SLC27A6: variants seen among roughly 807,000 people sequenced by gnomAD.
The protein encoded by SLC27A6 is solute carrier family 27 member 6.
Under a neutral mutation model 63.9 loss-of-function variants are expected in SLC27A6, and 74 were observed. That is an observed-to-expected ratio of 1.16 (90% CI 0.96 to 1.40). The LOEUF (loss-of-function observed/expected upper bound fraction) is 1.40. Ranked by LOEUF, SLC27A6 falls within the 40% of genes most tolerant of loss-of-function variation. The pLI, the probability that SLC27A6 is intolerant of heterozygous loss-of-function variation, is 0.00. For synonymous variants in SLC27A6, 287 were observed against 260.8 expected, an observed-to-expected ratio of 1.10 and a Z score of -0.97; for missense variants, 794 against 732.9, an observed-to-expected ratio of 1.08 and a Z score of -0.96.
At chr5:129,026,814 T>C (rs897425709) in intron 6 of SLC27A6, among the ~76,000 whole-genome samples, 6 of 152,116 alleles carry the variant, frequency 3.9e-5, no homozygotes, top group Non-Finnish European at 5.9e-5. Flanking sequence ...TTATCTGTGG[T>C]AACATCTACA....
chr5:128,987,499 G>A (rs62399716), intron 2 of SLC27A6, among the ~76,000 whole-genome samples: 2,229 of 152,082 alleles, frequency 0.015, 17 homozygotes, highest in Non-Finnish European at 0.023. Flanking sequence ...CAATACAAAC[G>A]AAAGATAAAA....
At chr5:129,005,324 C>T (rs1751483154) in intron 4 of SLC27A6, among the ~76,000 whole-genome samples, 1 of 152,168 alleles carries the variant, frequency 6.6e-6, no homozygotes, top group Non-Finnish European at 1.5e-5. Flanking sequence ...AAAAGGAAAA[C>T]ACATGGGAAT....
chr5:129,025,184 C>G (rs1359070746), intron 6 of SLC27A6, among the ~76,000 whole-genome samples: 1 of 152,146 alleles, frequency 6.6e-6, no homozygotes, highest in Non-Finnish European at 1.5e-5. Flanking sequence ...TTATGAGCTA[C>G]TCAATATTTT....
At chr5:129,026,633 T>A (rs1453655207) in intron 6 of SLC27A6, among the ~76,000 whole-genome samples, 1 of 152,112 alleles carries the variant, frequency 6.6e-6, no homozygotes, top group African/African-American at 2.4e-5. Context: ...ATTTTACCCC[T>A]CTCGGTCCTA....
intron 1 of SLC27A6, among the ~76,000 whole-genome samples, chr5:128,979,831 T>C (rs925802843): frequency 6.6e-6 from 1 of 152,184 alleles, no homozygotes; most frequent in Non-Finnish European, 1.5e-5. Flanking sequence ...TGTGTGCATA[T>C]ATTCAGGGCA....
chr5:129,014,845 A>C (rs1751839545), intron 4 of SLC27A6, among the ~76,000 whole-genome samples: 1 of 152,184 alleles, frequency 6.6e-6, no homozygotes, highest in Non-Finnish European at 1.5e-5. Flanking sequence ...AGCCTTATCC[A>C]TTCTGCTCAA....
rs778044831 is a variant in SLC27A6 at position 129,027,348 on chromosome 5, G to A, written c.1454+17G>A. 5 of 1,560,228 alleles carry A rather than the reference G, an allele frequency of 3.2e-6. No homozygotes were observed. The South Asian group carries it at 5.6e-5, about 17-fold the overall frequency. On this transcript the variant is annotated intron_variant, in intron 7 of 9. Transcript: ENST00000262462. ...CACTTTCAGGTATGAAATGTTATGG[G>A]ATCCATAGCTTGTTCTGTAATTGTG...
At position 129,012,540 on chromosome 5, in the gene SLC27A6, A is replaced by G. The variant is rs116748574; in HGVS notation, c.970-3345A>G. Among the ~76,000 whole-genome samples the G allele has an allele frequency of 9.2e-3, 1,392 of 152,108 alleles. 16 individuals carry two copies. The highest frequency in any genetic ancestry group is 0.031 in the African/African-American group (1,286 of 41,528). On this transcript the variant is annotated intron_variant, in intron 4 of 9. Transcript: ENST00000262462. ...TTATGATTTTTTTCCCGCTTATTCT[A>G]TCAGTACCAGAGAGAGAAGTTAAAA...
At chr5:128,969,902 G>T (rs1205499050) in intron 1 of SLC27A6, among the ~76,000 whole-genome samples, 3 of 152,138 alleles carry the variant, frequency 2.0e-5, no homozygotes, top group Non-Finnish European at 2.9e-5. Context: ...CTATGGATTT[G>T]TCATAAATAG....
intron 9 of SLC27A6, among the ~76,000 whole-genome samples, chr5:129,030,727 T>C (rs943856907): frequency 1.3e-5 from 2 of 152,036 alleles, no homozygotes; most frequent in Non-Finnish European, 2.9e-5. Flanking sequence ...TGTATATCCT[T>C]CACCTTGTTT....
chr5:129,002,436 C>A (rs1751369272), intron 4 of SLC27A6, among the ~76,000 whole-genome samples: 2 of 152,012 alleles, frequency 1.3e-5, no homozygotes, highest in Non-Finnish European at 2.9e-5. Flanking sequence ...CCTCCCCACT[C>A]CCTCCATTGT....
intron 4 of SLC27A6, among the ~76,000 whole-genome samples, chr5:128,991,267 A>G (rs1019328633): frequency 6.6e-6 from 1 of 152,218 alleles, no homozygotes; most frequent in African/African-American, 2.4e-5. Flanking sequence ...GTTTAAAGGT[A>G]GGTGCAGTCA....
At chr5:129,032,424 T>C (rs1752443646) in intron 9 of SLC27A6, among the ~76,000 whole-genome samples, 2 of 152,038 alleles carry the variant, frequency 1.3e-5, no homozygotes, top group South Asian at 4.1e-4. Flanking sequence ...TGGCTGTACT[T>C]GCTTTTTATC....
intron 5 of SLC27A6, among the ~76,000 whole-genome samples, chr5:129,016,395 C>CAAAAAAA (rs759333355): frequency 0.015 from 962 of 64,414 alleles, 75 homozygotes; most frequent in East Asian, 0.12. Context: ...GACTCTGTCT[C>CAAAAAAA]AAAAAAAAAA....
At chr5:128,979,350 G>T (rs1264232154) in intron 1 of SLC27A6, among the ~76,000 whole-genome samples, 1 of 151,888 alleles carries the variant, frequency 6.6e-6, no homozygotes, top group Non-Finnish European at 1.5e-5. Flanking sequence ...CACAAGTTTG[G>T]AGTGAGGTCG....
At position 128,966,607 on chromosome 5, in the gene SLC27A6, T is replaced by C; in HGVS notation, c.470T>C (p.Val157Ala). Reference sequence around the variant, plus strand: ...CGCGCCTGTGGGCCCAGAGCCCTAGTGGTGGGCGCAGGTAGAGTATGGGGT... The same window carrying C: ...CGCGCCTGTGGGCCCAGAGCCCTAGCGGTGGGCGCAGGTAGAGTATGGGGT... ...CIRACGPRALVVGADLLGTVE... is the reference protein window; with the variant it reads ...CIRACGPRALAVGADLLGTVE... The change falls in exon 1 of 10, where the codon GTG (valine) becomes GCG (alanine). Residue 157 changes from valine (V) to alanine (A), a missense_variant. Physicochemically the swap from Val to Ala is moderately conservative, Grantham distance 64. Coordinates refer to ENST00000262462, the MANE Select transcript of SLC27A6 (RefSeq NM_001017372.3). 1 of 1,523,494 alleles carries C rather than the reference T, an allele frequency of 6.6e-7. No homozygotes were observed. The highest frequency in any genetic ancestry group is 8.7e-7 in the Non-Finnish European group (1 of 1,144,506). 94.4% of individuals were successfully genotyped at this position (1,523,494 alleles called of 1,614,324 possible). A position where few individuals can be genotyped will look rare whatever the true frequency, so the allele number is the denominator to read the frequency against.
intron 1 of SLC27A6, among the ~76,000 whole-genome samples, chr5:128,972,409 T>A (rs1750207399): frequency 6.6e-6 from 1 of 152,230 alleles, no homozygotes; most frequent in Admixed American, 6.5e-5. Flanking sequence ...CAATCAAACG[T>A]AGATTTGGTC....
chr5:128,985,011 A>C, intron 1 of SLC27A6, 122 bp from the exon 2 acceptor site: 1 of 682,098 alleles, frequency 1.5e-6, no homozygotes, highest in Admixed American at 2.9e-5. Context: ...CTTATCCAAC[A>C]TAAGAAGGAA....
In SLC27A6 at chr5:129,015,944, T is replaced by G; in HGVS notation, c.1029T>G (p.Asp343Glu). ...RLAIGNGIRS[D>E]VWREFLDRFG... ...CAATTGGAAATGGCATACGGAGTGA[T>G]GTATGGAGAGAATTTTTAGACAGAT... The change falls in exon 5 of 10, where the codon GAT becomes GAG. Residue 343 changes from aspartate to glutamate, a missense_variant. Physicochemically the swap from Asp to Glu is conservative, Grantham distance 45. Transcript: ENST00000262462. The G allele has an allele frequency of 6.2e-7, 1 of 1,608,386 alleles. No individual in the cohort carries two copies. The highest frequency in any genetic ancestry group is 1.1e-5 in the South Asian group (1 of 89,968).
Sources: gnomAD v4.1 joint callset for allele counts (sites outside exome capture counted in the v4.1 genomes callset) on GRCh38, gnomAD v4.1.1 for gene constraint, MANE v1.5 for transcripts, NCBI Gene and HGNC (gene_info 2026-07-23, HGNC 2026-07-21) for gene names.